The following CAMSAP3 variants were observed in gnomAD, a reference collection of about 807,000 sequenced individuals.
CAMSAP3 encodes calmodulin regulated spectrin associated protein family member 3, also known as calmodulin-regulated spectrin-associated protein 3.
CAMSAP3 carries 34 observed loss-of-function variants against 112.5 expected under a neutral mutation model. The ratio of observed to expected loss-of-function variants is 0.30; its 90% CI spans 0.23 to 0.40. The LOEUF (loss-of-function observed/expected upper bound fraction) is 0.40, where lower values mean the gene tolerates loss of function less well. CAMSAP3 is among the 10% of genes least tolerant of loss of function. The pLI is 1.00. For missense variants in CAMSAP3, 1,602 were observed against 1,770.3 expected (o/e 0.90, Z 1.71); for synonymous variants, 868 against 799.8 (o/e 1.09, Z -1.44).
At chr19:7,616,786 G>A (rs963268002) in intron 14 of CAMSAP3, among the ~76,000 whole-genome samples, 164 bp downstream of exon 14, 1 of 152,054 alleles carries the variant, frequency 6.6e-6, no homozygotes, top group Non-Finnish European at 1.5e-5. Context: ...ATGGGGCATA[G>A]TCTGTACCTG....
In CAMSAP3 at chr19:7,607,969, C is replaced by T; in HGVS notation, c.622-157C>T. ...ATCTCCTCTGCCTCTTGCTGCTGCCCCTCCCCTGCTCCAGGCTGGCCCCCC... is the reference window on the plus strand; with the variant it reads ...ATCTCCTCTGCCTCTTGCTGCTGCCTCTCCCCTGCTCCAGGCTGGCCCCCC... On this transcript the variant is annotated intron_variant, in intron 4 of 16. Coordinates refer to ENST00000160298, the MANE Select transcript of CAMSAP3 (RefSeq NM_020902.2). The surrounding 1 kb of genome is among the most constrained non-coding windows in gnomAD (Gnocchi z 4.9). 1.1e-6 allele frequency: 1 copy of T among 912,964 alleles called. No individual in the cohort carries two copies. The highest frequency in any genetic ancestry group is 1.5e-5 in the South Asian group (1 of 68,312). 56.6% of individuals were successfully genotyped at this position (912,964 alleles called of 1,614,324 possible). A position where few individuals can be genotyped will look rare whatever the true frequency, so the allele number is the denominator to read the frequency against.
rs2030155444 is a variant in CAMSAP3 at position 7,605,328 on chromosome 19, A to C, written c.251A>C (p.Tyr84Ser). 6.2e-7 allele frequency: 1 copy of C among 1,609,972 alleles called. No individual in the cohort carries two copies. The highest frequency in any genetic ancestry group is 8.5e-7 in the Non-Finnish European group (1 of 1,178,294). Residue 84 changes from tyrosine (Y) to serine (S), a missense_variant, in exon 2 of 17, where the codon TAC (tyrosine) becomes TCC (serine). Transcript: ENST00000160298. Reference protein sequence around the residue: ...VTRLLLSAELYCRAWRQALPQ... With the variant: ...VTRLLLSAELSCRAWRQALPQ... Reference sequence around the variant, plus strand: ...CGGCTGCTGCTCTCAGCCGAGCTCTACTGCAGAGCCTGGCGCCAGGCACTG... The same window carrying C: ...CGGCTGCTGCTCTCAGCCGAGCTCTCCTGCAGAGCCTGGCGCCAGGCACTG...
intron 1 of CAMSAP3, among the ~76,000 whole-genome samples, chr19:7,599,766 T>C (rs1599340251): frequency 1.3e-5 from 1 of 74,464 alleles, no homozygotes; most frequent in Non-Finnish European, 2.6e-5. Context: ...CACTCATCCA[T>C]CCACCCACTC....
Position 7,609,894 on chromosome 19 carries a change from T to C in CAMSAP3, c.761-582T>C, listed in dbSNP as rs186349192. On this transcript the variant is annotated intron_variant, in intron 5 of 16. Coordinates refer to ENST00000160298, the MANE Select transcript of CAMSAP3 (RefSeq NM_020902.2). ...CGCCGCTGATCTGACGGAAGCGGGG[T>C]TCGGGTGGTCCTGCAAGTGACGGGG... 5.2e-4 allele frequency among the ~76,000 whole-genome samples: 79 copies of C among 152,124 alleles called. No individual in the cohort carries two copies. The East Asian group carries it at 8.1e-3, about 16-fold the overall frequency.
intron 5 of CAMSAP3, among the ~76,000 whole-genome samples, chr19:7,609,739 G>A (rs1288962809): frequency 6.6e-6 from 1 of 152,148 alleles, no homozygotes; most frequent in African/African-American, 2.4e-5. Flanking sequence ...GCAACTAGAC[G>A]GTCCCAGCTG....
Position 7,617,428 on chromosome 19 carries a change from C to G in CAMSAP3, c.3315C>G (p.Pro1105=). The G allele has an allele frequency of 6.2e-7, 1 of 1,613,886 alleles. No homozygotes were observed. Among genetic ancestry groups the G allele is most frequent in the Non-Finnish European group, 8.5e-7 (1 of 1,179,874 alleles). ...ATGCCTCCTCCCCAGCGTCAGTGCC[C>G]GAGTACACAGGTAAGCAGGGGCTCT... ...GSNASSPASV[P]EYTGPRLYKE... Residue 1105 remains proline, a synonymous_variant, in exon 15 of 17, where the codon CCC becomes CCG. Transcript: ENST00000160298. This position sits in a 1 kb window ranked among gnomAD's most constrained non-coding sequence, Gnocchi z 7.5.
chr19:7,607,907 T>TC lies in CAMSAP3; in HGVS notation c.622-215dup. On this transcript the variant is annotated intron_variant, in intron 4 of 16. Coordinates refer to ENST00000160298, the MANE Select transcript of CAMSAP3 (RefSeq NM_020902.2). This position sits in a 1 kb window ranked among gnomAD's most constrained non-coding sequence, Gnocchi z 4.9. ...CGCCCCGGGGTCCCAGGAGTCCCTG[T>TC]CCCCAGCCCCCGCTGCTGGCCTGGC... 1 of 837,668 alleles carries TC rather than the reference T, an allele frequency of 1.2e-6. No homozygotes were observed. Among genetic ancestry groups the TC allele is most frequent in the Non-Finnish European group, 2.0e-6 (1 of 500,526 alleles). The allele number at this position is 837,668 out of a possible 1,614,324, so 51.9% of individuals were successfully genotyped here. A position where few individuals can be genotyped will look rare whatever the true frequency, so the allele number is the denominator to read the frequency against.
chr19:7,604,054 G>A (rs1332412704), intron 1 of CAMSAP3, among the ~76,000 whole-genome samples: 2 of 152,004 alleles, frequency 1.3e-5, no homozygotes, highest in Non-Finnish European at 2.9e-5. Context: ...AGAATCATTC[G>A]AGCCCGGGAG....
chr19:7,615,789 G>T lies in CAMSAP3; in HGVS notation c.3112+70G>T. On this transcript the variant is annotated intron_variant, in intron 13 of 16. Coordinates refer to ENST00000160298, the MANE Select transcript of CAMSAP3 (RefSeq NM_020902.2). The surrounding 1 kb of genome is among the most constrained non-coding windows in gnomAD (Gnocchi z 6.5). ...GGCTCACTGGGTGAGGCCCCCATGG[G>T]TAAGGGGGGAGGGGGAGGGAGATGT... is the stretch of plus-strand genomic sequence containing the variant. The T allele has an allele frequency of 1.8e-5, 10 of 550,710 alleles. No homozygotes were observed. Among genetic ancestry groups the T allele is most frequent in the Admixed American group, 5.6e-5 (1 of 17,748 alleles). 34.1% of individuals were successfully genotyped at this position (550,710 alleles called of 1,614,324 possible). A position where few individuals can be genotyped will look rare whatever the true frequency, so the allele number is the denominator to read the frequency against.
Position 7,610,821 on chromosome 19 carries a change from G to T in CAMSAP3, c.994+28G>T. The T allele has an allele frequency of 6.2e-7, 1 of 1,610,758 alleles. No individual in the cohort carries two copies. Among genetic ancestry groups the T allele is most frequent in the South Asian group, 1.1e-5 (1 of 91,012 alleles). ...GAGGCCCTGGGGGCCTGGGGGCCGG[G>T]TCGGGGGCGGGTGGGAGAGCCAAAC... On this transcript the variant is annotated intron_variant, in intron 7 of 16. Transcript: ENST00000160298. The surrounding 1 kb of genome is among the most constrained non-coding windows in gnomAD (Gnocchi z 4.9).
chr19:7,603,278 A>C (rs894417384), intron 1 of CAMSAP3, among the ~76,000 whole-genome samples: 1 of 150,258 alleles, frequency 6.7e-6, no homozygotes, highest in Non-Finnish European at 1.5e-5. Context: ...GCAGTGGCGC[A>C]ATCTCAGCTG....
chr19:7,616,329 A>C (rs1384044647), intron 13 of CAMSAP3, 194 bp from the exon 14 acceptor site: 5 of 562,112 alleles, frequency 8.9e-6, no homozygotes, highest in Non-Finnish European at 1.3e-5. Flanking sequence ...GGGCTGACCC[A>C]GTGCTGCTCC....
In CAMSAP3 at chr19:7,608,178, C is replaced by G. The variant is rs775114177; in HGVS notation, c.674C>G (p.Thr225Arg). The change falls in exon 5 of 17, where the codon ACG (threonine) becomes AGG (arginine). Residue 225 changes from threonine to arginine, a missense_variant. By Grantham distance (71) the Thr-to-Arg change is moderately conservative. Transcript: ENST00000160298. ...GCGCGACGTGCCCCCTGCTTCCCGA[C>G]GGTGACCAGCCTCCAGGACCTGGCC... The part of the protein sequence containing the change: ...VVARRAPCFP[T>R]VTSLQDLASG... 6.2e-7 allele frequency: 1 copy of G among 1,612,474 alleles called. No individual in the cohort carries two copies. The highest frequency in any genetic ancestry group is 2.2e-5 in the East Asian group (1 of 44,894).
In CAMSAP3 at chr19:7,615,609, G is replaced by A. The variant is rs1182093626; in HGVS notation, c.3002G>A (p.Arg1001Gln). 12 of 1,461,678 alleles carry A rather than the reference G, an allele frequency of 8.2e-6. No homozygotes were observed. Among genetic ancestry groups the A allele is most frequent in the Non-Finnish European group, 9.9e-6 (11 of 1,107,930 alleles). The allele number at this position is 1,461,678 out of a possible 1,614,324, so 90.5% of individuals were successfully genotyped here. The change falls in exon 13 of 17, where the codon CGG becomes CAG. Residue 1001 changes from arginine to glutamine, a missense_variant. By Grantham distance (43) the Arg-to-Gln change is conservative. This residue lies in a region of CAMSAP3 where 1,100 missense variants were observed against 1,135.7 expected (regional missense o/e 0.97). Transcript: ENST00000160298. This position sits in a 1 kb window ranked among gnomAD's most constrained non-coding sequence, Gnocchi z 6.5. The part of the protein sequence containing the change: ...MDDLDKVLRP[R>Q]AAGSGGPGRG... ...GACCTCGATAAGGTGCTGCGGCCCC[G>A]GGCTGCGGGGTCCGGGGGTCCAGGT... is the stretch of plus-strand genomic sequence containing the variant.
Position 7,615,211 on chromosome 19 carries a change from C to T in CAMSAP3, c.2699C>T (p.Ala900Val), listed in dbSNP as rs1244776066. ...GAAGACAAGCCTGAGGACGAGATGG[C>T]CCAAAAGCGGGCCAGCCTGCTGGAG... The part of the protein sequence containing the change: ...KDEDKPEDEM[A>V]QKRASLLERQ... The change falls in exon 12 of 17, where the codon GCC becomes GTC. Residue 900 changes from alanine (A) to valine (V), a missense_variant. Ala to Val is a moderately conservative substitution (Grantham distance 64, BLOSUM62 0). This residue lies in a region of CAMSAP3 where 1,100 missense variants were observed against 1,135.7 expected (regional missense o/e 0.97). Transcript: ENST00000160298. The surrounding 1 kb of genome is among the most constrained non-coding windows in gnomAD (Gnocchi z 6.5). 6.4e-7 allele frequency: 1 copy of T among 1,553,428 alleles called. No homozygotes were observed. Among genetic ancestry groups the T allele is most frequent in the South Asian group, 1.2e-5 (1 of 84,244 alleles).
intron 14 of CAMSAP3, among the ~76,000 whole-genome samples, chr19:7,616,934 C>CA (rs2030823621): frequency 3.6e-5 from 3 of 83,036 alleles, no homozygotes; most frequent in Non-Finnish European, 4.2e-5. Context: ...TGTGGCCCGC[C>CA]TTTTTTTTTT....
rs550077317 is a variant in CAMSAP3 at position 7,613,124 on chromosome 19, G to A, written c.2631G>A (p.Ser877=). The A allele has an allele frequency of 4.5e-6, 7 of 1,544,132 alleles. No individual in the cohort carries two copies. Among genetic ancestry groups the A allele is most frequent in the African/African-American group, 1.4e-5 (1 of 72,498 alleles). The change falls in exon 11 of 17, where the codon TCG becomes TCA. Residue 877 remains serine (S), a synonymous_variant. Transcript: ENST00000160298. ...AEDSLEEEAS[S]EGEPRVGLGF... is the part of the protein sequence containing the mutation. ...ATTCCTTGGAGGAGGAGGCGTCTTC[G>A]GAGGGGGAGCCCCGGGTGGGGCTGG...
chr19:7,599,395 T>TTCAC (rs1568437667), intron 1 of CAMSAP3, among the ~76,000 whole-genome samples: 1 of 21,492 alleles, frequency 4.7e-5, no homozygotes, highest in Non-Finnish European at 1.0e-4. Context: ...CACCCATCCA[T>TTCAC]CCACCCATTC....
intron 1 of CAMSAP3, among the ~76,000 whole-genome samples, chr19:7,599,503 C>T (rs1385389587): frequency 8.7e-6 from 1 of 114,658 alleles, no homozygotes; most frequent in Admixed American, 1.0e-4. Flanking sequence ...CGCACTCATC[C>T]ATCCACCCAT....
Sources: gnomAD v4.1 joint callset for allele counts (sites outside exome capture counted in the v4.1 genomes callset) on GRCh38, gnomAD v4.1.1 for gene constraint, gnomAD v4.1.1 regional missense constraint, Gnocchi (gnomAD v3.1) non-coding constraint, MANE v1.5 for transcripts, NCBI Gene and HGNC (gene_info 2026-07-23, HGNC 2026-07-21) for gene names.